PRORP: variants seen among roughly 807,000 people sequenced by gnomAD.
PRORP encodes mitochondrial ribonuclease P catalytic subunit.
In PRORP, 51 loss-of-function variants were observed where a neutral mutation model predicts 59.4. That is an observed-to-expected ratio of 0.86 (90% CI 0.69 to 1.08). The LOEUF (loss-of-function observed/expected upper bound fraction) is 1.08. Ranked by LOEUF, PRORP falls within the 50% of genes least tolerant of loss-of-function variation. The pLI, the probability that PRORP is intolerant of heterozygous loss-of-function variation, is 0.00. For missense variants in PRORP, 646 were observed against 690.3 expected (o/e 0.94, Z 0.72); for synonymous variants, 231 against 245.6 (o/e 0.94, Z 0.55).
intron 6 of PRORP, among the ~76,000 whole-genome samples, chr14:35,269,334 T>C (rs974175984): frequency 2.0e-5 from 3 of 152,256 alleles, no homozygotes; most frequent in Non-Finnish European, 2.9e-5. Flanking sequence ...TGAAGTGTTA[T>C]GACCAAGAAG....
chr14:35,247,328 C>T (rs1009355200), intron 5 of PRORP, among the ~76,000 whole-genome samples: 1 of 152,102 alleles, frequency 6.6e-6, no homozygotes, highest in Non-Finnish European at 1.5e-5. Flanking sequence ...CTTCCTTTCT[C>T]TTACTATTTT....
intron 4 of PRORP, among the ~76,000 whole-genome samples, chr14:35,179,575 G>A (rs2048545689): frequency 6.6e-6 from 1 of 152,150 alleles, no homozygotes; most frequent in South Asian, 2.1e-4. Context: ...TCGTGCCATG[G>A]TTGTCAGCTC....
chr14:35,256,869 C>CTTTTTTTTTTTTT (rs71121272), intron 5 of PRORP, among the ~76,000 whole-genome samples: 2 of 136,896 alleles, frequency 1.5e-5, no homozygotes, highest in Non-Finnish European at 3.3e-5. Flanking sequence ...TGATAAAATC[C>CTTTTTTTTTTTTT]TTTTTTTTTT....
intron 5 of PRORP, among the ~76,000 whole-genome samples, chr14:35,257,893 C>G (rs2138620319): frequency 6.6e-6 from 1 of 152,226 alleles, no homozygotes; most frequent in African/African-American, 2.4e-5. Context: ...AAAACTCTTG[C>G]TCTCATTGGC....
intron 4 of PRORP, among the ~76,000 whole-genome samples, chr14:35,129,131 C>T (rs1174630288): frequency 6.6e-6 from 1 of 151,960 alleles, no homozygotes; most frequent in African/African-American, 2.4e-5. Context: ...TCGCTTGAAC[C>T]CAGGAGGCGG....
chr14:35,269,424 G>A (rs906218506), intron 6 of PRORP, among the ~76,000 whole-genome samples: 1 of 152,146 alleles, frequency 6.6e-6, no homozygotes, highest in Non-Finnish European at 1.5e-5. Flanking sequence ...CAGTTGTAAC[G>A]ATCAATTCAC....
chr14:35,134,167 G>A (rs2047318112), intron 4 of PRORP, among the ~76,000 whole-genome samples: 1 of 152,220 alleles, frequency 6.6e-6, no homozygotes, highest in Non-Finnish European at 1.5e-5. Flanking sequence ...CTGTTGTATT[G>A]TGGCTGAGCT....
At chr14:35,231,178 C>T (rs1034750493) in intron 5 of PRORP, among the ~76,000 whole-genome samples, 1 of 152,170 alleles carries the variant, frequency 6.6e-6, no homozygotes, top group Admixed American at 6.5e-5. Flanking sequence ...TACTACCTTA[C>T]ATCACATTAC....
intron 5 of PRORP, among the ~76,000 whole-genome samples, chr14:35,210,280 C>T (rs957594470): frequency 1.3e-5 from 2 of 152,124 alleles, no homozygotes; most frequent in African/African-American, 4.8e-5. Context: ...CCAGTAATTA[C>T]TTGTCAAAAA....
intron 5 of PRORP, 85 bp downstream of exon 5, chr14:35,180,862 C>T: frequency 2.4e-6 from 2 of 833,988 alleles, no homozygotes; most frequent in Non-Finnish European, 3.8e-6. Flanking sequence ...CTCTTAGCTC[C>T]TCAGTTTTTC....
chr14:35,219,648 A>G (rs915497891), intron 5 of PRORP, among the ~76,000 whole-genome samples: 9 of 152,220 alleles, frequency 5.9e-5, no homozygotes, highest in African/African-American at 1.9e-4. Flanking sequence ...ACACAGCTTC[A>G]TGCATTGGTT....
intron 5 of PRORP, among the ~76,000 whole-genome samples, chr14:35,195,198 T>C (rs1312075875): frequency 6.6e-6 from 1 of 152,208 alleles, no homozygotes; most frequent in East Asian, 1.9e-4. Flanking sequence ...GTACTGTATC[T>C]ATTCAAAATA....
intron 5 of PRORP, among the ~76,000 whole-genome samples, chr14:35,184,601 A>G (rs535119437): frequency 6.6e-6 from 1 of 152,300 alleles, no homozygotes; most frequent in Non-Finnish European, 1.5e-5. Flanking sequence ...GGTTTGTTAT[A>G]CATATTATTT....
At chr14:35,197,472 G>A (rs1378384266) in intron 5 of PRORP, among the ~76,000 whole-genome samples, 1 of 151,908 alleles carries the variant, frequency 6.6e-6, no homozygotes, top group Non-Finnish European at 1.5e-5. Context: ...ATAATTTTCT[G>A]GTAATGTTTA....
chr14:35,218,668 A>G (rs1213144902), intron 5 of PRORP, among the ~76,000 whole-genome samples: 1 of 151,868 alleles, frequency 6.6e-6, no homozygotes, highest in East Asian at 2.0e-4. Context: ...TTTGGATTAC[A>G]GGTGCCACCA....
chr14:35,123,254 CTATT>C lies in PRORP; in HGVS notation c.11_14del (p.Tyr4CysfsTer18). On this transcript the variant is annotated frameshift_variant, in exon 2 of 8. Transcript: ENST00000534898. LOFTEE classifies it high-confidence loss of function. ...GCTGATCTCACTGCATAATGACTTT[CTATT>C]TGTTTGGTATTCGAAGCTTTCCGAA... 6.2e-7 allele frequency: 1 copy of C among 1,608,170 alleles called. No individual in the cohort carries two copies. The highest frequency in any genetic ancestry group is 8.5e-7 in the Non-Finnish European group (1 of 1,177,926).
At chr14:35,162,909 C>T (rs774500460) in intron 4 of PRORP, among the ~76,000 whole-genome samples, 12 of 152,080 alleles carry the variant, frequency 7.9e-5, no homozygotes, top group South Asian at 2.1e-4. Context: ...AGGGATAAAG[C>T]GGGATGTTAC....
At chr14:35,158,713 A>G in intron 4 of PRORP, 1 of 393,016 alleles carries the variant, frequency 2.5e-6, no homozygotes, top group East Asian at 6.9e-5. Flanking sequence ...AGCAATTACT[A>G]TTATCTACTG....
At chr14:35,207,300 C>T (rs879493241) in intron 5 of PRORP, among the ~76,000 whole-genome samples, 33 of 152,214 alleles carry the variant, frequency 2.2e-4, no homozygotes, top group Non-Finnish European at 3.8e-4. Flanking sequence ...AAAGACCTTA[C>T]AATTCTGCTT....
Sources: gnomAD v4.1 joint callset for allele counts (sites outside exome capture counted in the v4.1 genomes callset) on GRCh38, gnomAD v4.1.1 for gene constraint, MANE v1.5 for transcripts, NCBI Gene and HGNC (gene_info 2026-07-23, HGNC 2026-07-21) for gene names.